TSPAN12: variants seen among roughly 807,000 people sequenced by gnomAD.
The protein encoded by TSPAN12 is tetraspanin 12.
TSPAN12 carries 19 observed loss-of-function variants against 39.2 expected under a neutral mutation model. The ratio of observed to expected loss-of-function variants is 0.49; its 90% CI spans 0.34 to 0.71. The LOEUF is 0.71. Among genes scored for constraint, TSPAN12 ranks in the 30% least tolerant of loss-of-function variants. TSPAN12 has a pLI of 0.01. For missense variants in TSPAN12, 314 were observed against 359.9 expected, an observed-to-expected ratio of 0.87 and a Z score of 1.03; for synonymous variants, 119 against 124.8, an observed-to-expected ratio of 0.95 and a Z score of 0.31.
intron 2 of TSPAN12, among the ~76,000 whole-genome samples, chr7:120,854,484 C>T (rs1482343623): frequency 1.3e-5 from 2 of 152,164 alleles, no homozygotes; most frequent in African/African-American, 4.8e-5. Context: ...AACTCTAATC[C>T]TCCTCACAAC....
In TSPAN12 at chr7:120,788,902, A is replaced by T; in HGVS notation, c.613-5T>A. ...ATACATTTTCTTCCCACAACCCTGT[A>T]AAAGAAATACATGGTCAACATTACT... On this transcript the variant is annotated splice_polypyrimidine_tract_variant and splice_region_variant and intron_variant, in intron 7 of 7. Transcript: ENST00000222747. 6.2e-7 allele frequency: 1 copy of T among 1,613,970 alleles called. No homozygotes were observed. The highest frequency in any genetic ancestry group is 8.5e-7 in the Non-Finnish European group (1 of 1,179,966).
intron 6 of TSPAN12, 44 bp from the exon 7 acceptor site, chr7:120,806,736 T>C (rs752381463): frequency 1.9e-6 from 3 of 1,611,380 alleles, no homozygotes; most frequent in Non-Finnish European, 2.5e-6. Context: ...CACAAAAATA[T>C]TTTCTTAACT....
intron 7 of TSPAN12, among the ~76,000 whole-genome samples, chr7:120,794,397 A>G (rs1051065834): frequency 6.6e-6 from 1 of 152,054 alleles, no homozygotes; most frequent in Non-Finnish European, 1.5e-5. Flanking sequence ...TCATGGGGGT[A>G]GTTTCCTCAT....
intron 4 of TSPAN12, among the ~76,000 whole-genome samples, chr7:120,838,365 C>T (rs188586577): frequency 2.0e-5 from 3 of 152,256 alleles, no homozygotes; most frequent in Admixed American, 6.5e-5. Flanking sequence ...GTGACAGGAC[C>T]ATTACATACG....
At chr7:120,821,326 T>G (rs890570551) in intron 4 of TSPAN12, among the ~76,000 whole-genome samples, 1 of 151,954 alleles carries the variant, frequency 6.6e-6, no homozygotes, top group Non-Finnish European at 1.5e-5. Context: ...ACCAAGTCAC[T>G]GAAGCTGAGA....
intron 4 of TSPAN12, among the ~76,000 whole-genome samples, chr7:120,834,560 CA>C (rs1446875696): frequency 6.6e-6 from 1 of 152,104 alleles, no homozygotes; most frequent in Admixed American, 6.5e-5. Context: ...GCTTGAACAG[CA>C]AAACAGCCCA....
chr7:120,833,977 C>T (rs1202457227), intron 4 of TSPAN12, among the ~76,000 whole-genome samples: 1 of 152,018 alleles, frequency 6.6e-6, no homozygotes, highest in Admixed American at 6.6e-5. Context: ...CTGAAATTAC[C>T]GTGAAAGGCA....
rs973105067 is a variant in TSPAN12 at position 120,838,827 on chromosome 7, T to C, written c.235A>G (p.Met79Val). 1.2e-6 allele frequency: 2 copies of C among 1,613,618 alleles called. No homozygotes were observed. Among genetic ancestry groups the C allele is most frequent in the African/African-American group, 1.3e-5 (1 of 74,878 alleles). The change falls in exon 4 of 8, where the codon ATG (methionine) becomes GTG (valine). Residue 79 changes from methionine to valine, a missense_variant. Transcript: ENST00000222747. ...TTCACCGTTCCACAATATCCTAACA[T>C]CCCCACAATGATAAGGAAACAGCAA... ...AVCCFLIIVG[M>V]LGYCGTVKRN...
At chr7:120,842,515 A>C (rs1794597778) in intron 2 of TSPAN12, among the ~76,000 whole-genome samples, 1 of 151,328 alleles carries the variant, frequency 6.6e-6, no homozygotes. Context: ...GGTCTCTCAG[A>C]TCCTGAGAGG....
chr7:120,819,807 C>T (rs146613194), intron 4 of TSPAN12, among the ~76,000 whole-genome samples: 1 of 152,050 alleles, frequency 6.6e-6, no homozygotes. Flanking sequence ...GATCTGAGTC[C>T]TTGATAAAGT....
At chr7:120,816,193 C>T (rs1354888997) in intron 4 of TSPAN12, among the ~76,000 whole-genome samples, 1 of 152,120 alleles carries the variant, frequency 6.6e-6, no homozygotes, top group African/African-American at 2.4e-5. Context: ...CAGATTTTAA[C>T]TCATTCTTCT....
Position 120,788,131 on chromosome 7 carries a change from T to G in TSPAN12, c.*461A>C, listed in dbSNP as rs1793444275. On this transcript the variant is annotated 3_prime_UTR_variant, in exon 8 of 8. Coordinates refer to ENST00000222747, the MANE Select transcript of TSPAN12 (RefSeq NM_012338.4). ...AAAGTTTTCTGATATATAATTTATT[T>G]AGCATCAGAAGAATAGATCGCTGAG... is the stretch of plus-strand genomic sequence containing the variant. 6.0e-6 allele frequency: 1 copy of G among 167,256 alleles called. No homozygotes were observed. Among genetic ancestry groups the G allele is most frequent in the African/African-American group, 2.4e-5 (1 of 41,562 alleles). 10.4% of individuals were successfully genotyped at this position (167,256 alleles called of 1,614,324 possible).
At chr7:120,808,924 G>C (rs1343634823) in intron 6 of TSPAN12, among the ~76,000 whole-genome samples, 3 of 151,190 alleles carry the variant, frequency 2.0e-5, no homozygotes, top group African/African-American at 7.3e-5. Context: ...CATTAGGGTG[G>C]GCCCTAATCC....
intron 4 of TSPAN12, among the ~76,000 whole-genome samples, chr7:120,827,920 T>C (rs1331435200): frequency 3.3e-5 from 5 of 152,194 alleles, no homozygotes; most frequent in Admixed American, 2.6e-4. Context: ...TGTGCTGGCT[T>C]GTTTCCCTAA....
At chr7:120,833,224 T>C (rs577502507) in intron 4 of TSPAN12, among the ~76,000 whole-genome samples, 81 of 152,160 alleles carry the variant, frequency 5.3e-4, no homozygotes, top group Admixed American at 1.9e-3. Flanking sequence ...ACCAAAAATA[T>C]AAACAAAATA....
intron 4 of TSPAN12, among the ~76,000 whole-genome samples, chr7:120,832,838 T>A (rs1438688324): frequency 6.6e-6 from 1 of 152,126 alleles, no homozygotes; most frequent in African/African-American, 2.4e-5. Flanking sequence ...ACAGTAGAAA[T>A]TTTAAAGTTC....
chr7:120,794,431 A>G (rs1045428277), intron 7 of TSPAN12, among the ~76,000 whole-genome samples: 6 of 152,092 alleles, frequency 3.9e-5, no homozygotes, highest in African/African-American at 1.4e-4. Flanking sequence ...CTTGGTGATA[A>G]CGGAGTTCTC....
At chr7:120,815,367 A>G (rs1240692120) in intron 5 of TSPAN12, among the ~76,000 whole-genome samples, 5 of 152,140 alleles carry the variant, frequency 3.3e-5, no homozygotes, top group Non-Finnish European at 5.9e-5. Context: ...CTATCCCCAC[A>G]TATCAAGGGA....
intron 2 of TSPAN12, 24 bp from the exon 3 acceptor site, chr7:120,840,133 G>C (rs756783516): frequency 3.2e-6 from 5 of 1,557,768 alleles, no homozygotes; most frequent in Non-Finnish European, 4.4e-6. Flanking sequence ...AGTACAAACC[G>C]GTTACCAAAG....
Sources: allele counts gnomAD v4.1 joint callset (sites outside exome capture counted in the v4.1 genomes callset), GRCh38; gene constraint gnomAD v4.1.1; transcripts MANE v1.5; gene names NCBI Gene and HGNC (gene_info 2026-07-23, HGNC 2026-07-21).